The following PSMB7 variants were observed in gnomAD, a reference collection of about 807,000 sequenced individuals.
PSMB7 encodes the protein proteasome subunit beta type-7.
In PSMB7, 5 loss-of-function variants were observed where a neutral mutation model predicts 28.1. That is an observed-to-expected ratio of 0.18 (90% CI 0.09 to 0.37). The LOEUF is 0.37. PSMB7 is among the 10% of genes least tolerant of loss of function. The pLI, the probability that PSMB7 is intolerant of heterozygous loss-of-function variation, is 1.00. For synonymous variants in PSMB7, 122 were observed against 123.7 expected (o/e 0.99, Z 0.09); for missense variants, 275 against 346.2 (o/e 0.79, Z 1.63).
intron 5 of PSMB7, among the ~76,000 whole-genome samples, chr9:124,401,881 T>C (rs1295131883): frequency 6.6e-6 from 1 of 152,024 alleles, no homozygotes; most frequent in African/African-American, 2.4e-5. Flanking sequence ...TAGCTGAGCA[T>C]GGTGGTGCAT....
chr9:124,364,427 A>G (rs1433602439), intron 6 of PSMB7, among the ~76,000 whole-genome samples: 2 of 152,086 alleles, frequency 1.3e-5, no homozygotes, highest in Non-Finnish European at 2.9e-5. Context: ...AGAGACAAGA[A>G]CATATTGCTT....
At chr9:124,389,040 ACT>A (rs916335442) in intron 5 of PSMB7, among the ~76,000 whole-genome samples, 11 of 152,092 alleles carry the variant, frequency 7.2e-5, no homozygotes, top group Non-Finnish European at 1.0e-4. Flanking sequence ...GCCAAAAAAA[ACT>A]CTAAGCTGCC....
At chr9:124,359,197 A>C (rs1830445201) in intron 6 of PSMB7, among the ~76,000 whole-genome samples, 1 of 152,230 alleles carries the variant, frequency 6.6e-6, no homozygotes, top group Non-Finnish European at 1.5e-5. Context: ...TACATCTTTT[A>C]AATTCCTTTC....
intron 6 of PSMB7, chr9:124,383,460 C>T (rs1830688896): frequency 6.6e-6 from 1 of 152,138 alleles, no homozygotes; most frequent in Non-Finnish European, 1.5e-5. Flanking sequence ...CAGCAGAAAA[C>T]CCCTATCTGT....
At chr9:124,382,368 C>T (rs545608807) in intron 6 of PSMB7, among the ~76,000 whole-genome samples, 15 of 151,244 alleles carry the variant, frequency 9.9e-5, no homozygotes, top group Admixed American at 7.9e-4. Flanking sequence ...GTACCACGTC[C>T]GGCTAATTTT....
At chr9:124,375,309 T>C (rs561634909) in intron 6 of PSMB7, among the ~76,000 whole-genome samples, 2 of 152,238 alleles carry the variant, frequency 1.3e-5, no homozygotes, top group East Asian at 3.9e-4. Flanking sequence ...TACAGGGATG[T>C]ACCACCATAC....
intron 5 of PSMB7, among the ~76,000 whole-genome samples, chr9:124,391,564 G>A (rs1192766939): frequency 6.6e-6 from 1 of 151,104 alleles, no homozygotes; most frequent in Admixed American, 6.6e-5. Flanking sequence ...TGTTTTAAAT[G>A]ATTAAACATA....
chr9:124,397,412 T>C (rs985923698), intron 5 of PSMB7, among the ~76,000 whole-genome samples: 3 of 152,034 alleles, frequency 2.0e-5, no homozygotes, highest in Non-Finnish European at 2.9e-5. Context: ...CCTCAGAGAG[T>C]CCTGCTCCTG....
intron 2 of PSMB7, among the ~76,000 whole-genome samples, 187 bp from the exon 3 acceptor site, chr9:124,414,192 C>T (rs1379360118): frequency 3.3e-5 from 5 of 152,146 alleles, no homozygotes; most frequent in Admixed American, 3.3e-4. Context: ...TTAGTAAATG[C>T]TACTAATTGA....
intron 5 of PSMB7, among the ~76,000 whole-genome samples, chr9:124,391,185 G>A (rs775230636): frequency 6.6e-6 from 1 of 152,208 alleles, no homozygotes; most frequent in Non-Finnish European, 1.5e-5. Context: ...CTTCAGGCAT[G>A]GCAAGTAGTA....
intron 6 of PSMB7, among the ~76,000 whole-genome samples, chr9:124,358,705 C>G (rs1218276165): frequency 6.6e-6 from 1 of 152,204 alleles, no homozygotes; most frequent in Non-Finnish European, 1.5e-5. Flanking sequence ...TGGGCACGTG[C>G]GGGGAGAACC....
At chr9:124,357,775 A>G (rs2131140272) in intron 6 of PSMB7, among the ~76,000 whole-genome samples, 1 of 152,248 alleles carries the variant, frequency 6.6e-6, no homozygotes, top group East Asian at 1.9e-4. Flanking sequence ...CCTGCCCCCT[A>G]GGGGCTTAAG....
At chr9:124,372,463 T>C (rs1399210064) in intron 6 of PSMB7, among the ~76,000 whole-genome samples, 4 of 152,248 alleles carry the variant, frequency 2.6e-5, no homozygotes, top group East Asian at 3.8e-4. Context: ...AAAATGTATA[T>C]AGTCACTTTC....
chr9:124,412,036 G>A (rs1831032373), intron 4 of PSMB7, among the ~76,000 whole-genome samples: 3 of 152,096 alleles, frequency 2.0e-5, no homozygotes, highest in South Asian at 4.1e-4. Context: ...AGTTTCACAA[G>A]ACAACTTGAT....
At chr9:124,397,413 C>A (rs1287910351) in intron 5 of PSMB7, among the ~76,000 whole-genome samples, 1 of 152,232 alleles carries the variant, frequency 6.6e-6, no homozygotes, top group Admixed American at 6.5e-5. Context: ...CTCAGAGAGT[C>A]CTGCTCCTGG....
intron 7 of PSMB7, among the ~76,000 whole-genome samples, chr9:124,355,932 A>C (rs1360389073): frequency 2.0e-5 from 3 of 152,094 alleles, no homozygotes; most frequent in South Asian, 4.1e-4. Flanking sequence ...GCAGTGGGAG[A>C]TGGAAGCAAG....
chr9:124,369,644 G>A (rs533926200), intron 6 of PSMB7, among the ~76,000 whole-genome samples: 1 of 152,312 alleles, frequency 6.6e-6, no homozygotes, highest in South Asian at 2.1e-4. Flanking sequence ...GACACTGTCT[G>A]CCATTTCCCT....
intron 5 of PSMB7, among the ~76,000 whole-genome samples, chr9:124,387,370 T>C (rs1441420543): frequency 1.3e-5 from 2 of 152,180 alleles, no homozygotes; most frequent in Admixed American, 6.5e-5. Flanking sequence ...GTTTCTCCAA[T>C]GTGGGGAGGC....
intron 6 of PSMB7, among the ~76,000 whole-genome samples, chr9:124,376,675 T>A (rs982123941): frequency 6.6e-6 from 1 of 152,192 alleles, no homozygotes; most frequent in Non-Finnish European, 1.5e-5. Context: ...ATTACAGGAA[T>A]AAGAAAGTGT....
Sources: gnomAD v4.1 joint callset for allele counts (sites outside exome capture counted in the v4.1 genomes callset) on GRCh38, gnomAD v4.1.1 for gene constraint, MANE v1.5 for transcripts, NCBI Gene and HGNC (gene_info 2026-07-23, HGNC 2026-07-21) for gene names.